ANAPC1: variants seen among roughly 807,000 people sequenced by gnomAD.
The protein encoded by ANAPC1 is anaphase-promoting complex subunit 1.
A neutral mutation model predicts 208.0 loss-of-function variants in ANAPC1; 36 were observed. The ratio of observed to expected loss-of-function variants is 0.17; its 90% CI spans 0.13 to 0.23. ANAPC1 has a LOEUF of 0.23. Ranked by LOEUF, ANAPC1 falls within the 10% of genes least tolerant of loss-of-function variation. The pLI is 1.00. For synonymous variants in ANAPC1, 378 were observed against 695.2 expected (o/e 0.54, Z 7.18); for missense variants, 942 against 2,011.6 (o/e 0.47, Z 10.17).
In ANAPC1 at chr2:111,856,786, C is replaced by T. The variant is rs766074386; in HGVS notation, c.1449+10G>A. On this transcript the variant is annotated intron_variant, in intron 12 of 47. Coordinates refer to ENST00000341068, the MANE Select transcript of ANAPC1 (RefSeq NM_022662.4). Reference sequence around the variant, plus strand: ...CGTAATTGTCAACTTCTCAAATGTGCCTACATTACCTCCACTGGTGCTGCA... The same window carrying T: ...CGTAATTGTCAACTTCTCAAATGTGTCTACATTACCTCCACTGGTGCTGCA... 9.9e-6 allele frequency: 16 copies of T among 1,613,352 alleles called. No homozygotes were observed. In the East Asian group the frequency reaches 3.1e-4, roughly 31 times the overall value.
At chr2:111,815,871 GTT>G (rs1679204441) in intron 27 of ANAPC1, among the ~76,000 whole-genome samples, 1 of 131,590 alleles carries the variant, frequency 7.6e-6, no homozygotes, top group Non-Finnish European at 1.6e-5. Flanking sequence ...TGTCCTTTTT[GTT>G]AAAATGTATG....
At chr2:111,821,645 A>C in intron 25 of ANAPC1, 192 bp from the exon 26 acceptor site, 2 of 538,618 alleles carry the variant, frequency 3.7e-6, no homozygotes, top group Non-Finnish European at 3.4e-6. Context: ...AAAGTACTAT[A>C]TTGCTGGCCG....
In ANAPC1 at chr2:111,825,116, C is replaced by A. The variant is rs1462403874; in HGVS notation, c.2741+15G>T. ...TAAGTGTTTGACATAAAAGCACAGT[C>A]TAAATAAAAGTCACCTGTTTTCCTC... On this transcript the variant is annotated intron_variant, in intron 23 of 47. Coordinates refer to ENST00000341068, the MANE Select transcript of ANAPC1 (RefSeq NM_022662.4). 3.1e-6 allele frequency: 5 copies of A among 1,613,702 alleles called. No individual in the cohort carries two copies. Among genetic ancestry groups the A allele is most frequent in the Non-Finnish European group, 4.2e-6 (5 of 1,179,852 alleles).
intron 46 of ANAPC1, among the ~76,000 whole-genome samples, chr2:111,775,633 A>G (rs1481593048): frequency 1.3e-5 from 2 of 152,196 alleles, no homozygotes; most frequent in South Asian, 4.1e-4. Flanking sequence ...CAAATGCGCT[A>G]AAGAGCAACA....
intron 21 of ANAPC1, among the ~76,000 whole-genome samples, chr2:111,830,053 G>C (rs538665315): frequency 2.0e-5 from 3 of 152,188 alleles, no homozygotes; most frequent in Admixed American, 6.5e-5. Flanking sequence ...CTAGGCGACA[G>C]AGTGAGACTC....
chr2:111,827,621 G>A (rs1573406629), intron 21 of ANAPC1, among the ~76,000 whole-genome samples: 1 of 152,202 alleles, frequency 6.6e-6, no homozygotes, highest in Non-Finnish European at 1.5e-5. Context: ...CGGGTGTGAT[G>A]GTGTGCACCT....
At chr2:111,879,000 T>C (rs1337210360) in intron 2 of ANAPC1, 29 bp from the exon 3 acceptor site, 4 of 1,591,330 alleles carry the variant, frequency 2.5e-6, no homozygotes, top group Non-Finnish European at 3.4e-6. Context: ...TAAAACATAT[T>C]CAAGCACTCT....
At chr2:111,787,344 C>A (rs1677614166) in intron 39 of ANAPC1, among the ~76,000 whole-genome samples, 1 of 149,544 alleles carries the variant, frequency 6.7e-6, no homozygotes, top group Admixed American at 6.6e-5. Flanking sequence ...ATTAACTTAA[C>A]AATATTCTTG....
chr2:111,825,244 G>T (rs1396719740), intron 22 of ANAPC1, 77 bp from the exon 23 acceptor site: 1 of 1,551,260 alleles, frequency 6.4e-7, no homozygotes, highest in Admixed American at 2.0e-5. Flanking sequence ...GAAAACATTT[G>T]AAAATAAGAA....
intron 27 of ANAPC1, among the ~76,000 whole-genome samples, chr2:111,816,731 TAA>T (rs1679259252): frequency 7.1e-6 from 1 of 140,896 alleles, no homozygotes; most frequent in African/African-American, 2.7e-5. Context: ...ATACCATTTT[TAA>T]AGAGTTCTAA....
intron 21 of ANAPC1, among the ~76,000 whole-genome samples, chr2:111,829,441 A>T (rs1680011483): frequency 6.6e-6 from 1 of 152,110 alleles, no homozygotes; most frequent in African/African-American, 2.4e-5. Flanking sequence ...ATTTGAGAGA[A>T]GGGACAAAAG....
intron 34 of ANAPC1, among the ~76,000 whole-genome samples, chr2:111,797,021 TTTTG>T (rs908315351): frequency 8.6e-5 from 13 of 151,938 alleles, no homozygotes; most frequent in African/African-American, 1.2e-4. Flanking sequence ...TTTTGTGTTT[TTTTG>T]TTTGTTTGTT....
Position 111,794,331 on chromosome 2 carries a change from C to T in ANAPC1, c.4374-8G>A. The T allele has an allele frequency of 6.3e-7, 1 of 1,577,222 alleles. No homozygotes were observed. The highest frequency in any genetic ancestry group is 8.6e-7 in the Non-Finnish European group (1 of 1,163,556). ...ATGTAGACATGTGCTTGGCTGAAAA[C>T]AGGTGACAAGAAATTTAATAATCAT... On this transcript the variant is annotated splice_polypyrimidine_tract_variant and splice_region_variant and intron_variant, in intron 35 of 47. Coordinates refer to ENST00000341068, the MANE Select transcript of ANAPC1 (RefSeq NM_022662.4).
intron 17 of ANAPC1, among the ~76,000 whole-genome samples, chr2:111,840,668 T>C (rs1284012380): frequency 6.6e-6 from 1 of 152,172 alleles, no homozygotes; most frequent in Non-Finnish European, 1.5e-5. Context: ...AGAAATCCAG[T>C]TTCTATGAGG....
chr2:111,791,588 AATCCATTGCTAC>A (rs1167426544), intron 38 of ANAPC1, among the ~76,000 whole-genome samples: 1 of 152,174 alleles, frequency 6.6e-6, no homozygotes, highest in South Asian at 2.1e-4. Flanking sequence ...AAACTTGAAT[AATCCATTGCTAC>A]ATACAACATG....
At chr2:111,777,750 G>A (rs1677066843) in intron 45 of ANAPC1, among the ~76,000 whole-genome samples, 1 of 152,126 alleles carries the variant, frequency 6.6e-6, no homozygotes, top group Non-Finnish European at 1.5e-5. Context: ...TTTTAATGAT[G>A]TTACTTAACA....
At chr2:111,819,069 CA>C (rs1679377133) in intron 26 of ANAPC1, 111 bp from the exon 27 acceptor site, 1 of 1,272,118 alleles carries the variant, frequency 7.9e-7, no homozygotes, top group African/African-American at 1.6e-5. Context: ...GAAGTTGTCT[CA>C]AAGTAAATTC....
chr2:111,881,365 A>G (rs1465251386), intron 1 of ANAPC1, among the ~76,000 whole-genome samples: 2 of 152,168 alleles, frequency 1.3e-5, no homozygotes, highest in African/African-American at 4.8e-5. Flanking sequence ...TACAAAAGAC[A>G]TAGGTTTTCA....
At position 111,768,182 on chromosome 2, in the gene ANAPC1, T is replaced by A. The variant is rs1401970703; in HGVS notation, c.*1109A>T. ...TCTGAACAGCAGGGAGCATTCTTCC[T>A]CCTGTGTTGGCAACTCGAAGCTGGA... On this transcript the variant is annotated 3_prime_UTR_variant, in exon 48 of 48. Coordinates refer to ENST00000341068, the MANE Select transcript of ANAPC1 (RefSeq NM_022662.4). The A allele has an allele frequency of 2.0e-5, 3 of 152,222 alleles. No homozygotes were observed. The East Asian group carries it at 5.8e-4, about 29-fold the overall frequency. The allele number at this position is 152,222 out of a possible 1,614,324, so 9.4% of individuals were successfully genotyped here. A position where few individuals can be genotyped will look rare whatever the true frequency, so the allele number is the denominator to read the frequency against.
Sources: gnomAD v4.1 joint callset for allele counts (sites outside exome capture counted in the v4.1 genomes callset) on GRCh38, gnomAD v4.1.1 for gene constraint, MANE v1.5 for transcripts, NCBI Gene and HGNC (gene_info 2026-07-23, HGNC 2026-07-21) for gene names.